The following MORC4 variants were observed in gnomAD, a reference collection of about 807,000 sequenced individuals.
MORC4 encodes the protein MORC family CW-type zinc finger 4, also known as MORC family CW-type zinc finger protein 4.
A neutral mutation model predicts 65.5 loss-of-function variants in MORC4; 22 were observed. That is an observed-to-expected ratio of 0.34 (90% CI 0.24 to 0.48). The LOEUF (loss-of-function observed/expected upper bound fraction) is 0.48. Among genes scored for constraint, MORC4 ranks in the 20% least tolerant of loss-of-function variants. The pLI is 0.99. For missense variants in MORC4, 624 were observed against 703.0 expected (o/e 0.89, Z 1.27); for synonymous variants, 267 against 255.8 (o/e 1.04, Z -0.42).
intron 9 of MORC4, among the ~76,000 whole-genome samples, chrX:106,967,378 T>C (rs1483007779): frequency 8.9e-6 from 1 of 111,802 alleles, no homozygotes; most frequent in Non-Finnish European, 1.9e-5. Flanking sequence ...GCAGAAAGGC[T>C]GAAAATTCCA....
intron 14 of MORC4, among the ~76,000 whole-genome samples, chrX:106,951,204 A>G (rs951545436): frequency 9.0e-6 from 1 of 111,177 alleles, no homozygotes; most frequent in African/African-American, 3.3e-5. Flanking sequence ...CTTTAGACAC[A>G]GTAGAATGTC....
chrX:106,993,270 C>T lies in MORC4; in HGVS notation c.268G>A (p.Gly90Arg). The T allele has an allele frequency of 8.3e-7, 1 of 1,209,835 alleles. No individual in the cohort carries two copies. Among genetic ancestry groups the T allele is most frequent in the Non-Finnish European group, 1.1e-6 (1 of 893,836 alleles). The change falls in exon 3 of 17, where the codon GGA becomes AGA. Residue 90 changes from glycine to arginine, a missense_variant. Transcript: ENST00000355610. ...NKSCLTFTDDGCGMTPHKLHR... is the reference protein window; with the variant it reads ...NKSCLTFTDDRCGMTPHKLHR... ...AGTTTATGAGGTGTCATCCCACATCCATCATCGGTAAAGGTCAAACAAGAT... is the reference window on the plus strand; with the variant it reads ...AGTTTATGAGGTGTCATCCCACATCTATCATCGGTAAAGGTCAAACAAGAT...
intron 2 of MORC4, 111 bp downstream of exon 2, chrX:106,999,566 C>T: frequency 1.4e-6 from 1 of 719,446 alleles, no homozygotes; most frequent in Non-Finnish European, 1.9e-6. Context: ...GAGGCCCCCA[C>T]CCCAGCCCCG....
At position 106,942,192 on chromosome X, in the gene MORC4, G is replaced by A. The variant is rs758365630; in HGVS notation, c.2406C>T (p.His802=). ...GGACTTTCTTGAATTCAGACTGCCA[G>A]TGATTCCTCTCCTGTTCCAGCTCCT... The part of the protein sequence containing the change: ...KVEELEQERN[H]WQSEFKKVQH... The change falls in exon 16 of 17, where the codon CAC becomes CAT. Residue 802 remains histidine (H), a synonymous_variant. Coordinates refer to ENST00000355610, the MANE Select transcript of MORC4 (RefSeq NM_024657.5). The A allele has an allele frequency of 4.1e-6, 5 of 1,209,483 alleles. No homozygotes were observed. In the South Asian group the frequency reaches 5.3e-5, roughly 13 times the overall value.
chrX:106,981,440 C>T lies in MORC4; in HGVS notation c.712G>A (p.Asp238Asn), dbSNP rs1289419139. 2 of 1,202,530 alleles carry T rather than the reference C, an allele frequency of 1.7e-6. No individual in the cohort carries two copies. The highest frequency in any genetic ancestry group is 3.0e-5 in the East Asian group (1 of 33,663). ...NGKSELDFDT[D>N]QYDILVSDFD... Reference sequence around the variant, plus strand: ...TCTGATACCAGGATGTCATATTGATCTGTATCAAAGTCCAACTCAGATTTT... The same window carrying T: ...TCTGATACCAGGATGTCATATTGATTTGTATCAAAGTCCAACTCAGATTTT... Residue 238 changes from aspartate to asparagine, a missense_variant, in exon 6 of 17, where the codon GAT becomes AAT. Coordinates refer to ENST00000355610, the MANE Select transcript of MORC4 (RefSeq NM_024657.5).
chrX:106,964,016 G>GC (rs748292733), intron 9 of MORC4, among the ~76,000 whole-genome samples: 2 of 110,605 alleles, frequency 1.8e-5, no homozygotes, highest in African/African-American at 3.3e-5. Context: ...AGACAGGGCG[G>GC]CCCACTCAAA....
chrX:106,999,536 G>C, intron 2 of MORC4, 141 bp downstream of exon 2: 1 of 446,250 alleles, frequency 2.2e-6, no homozygotes, highest in Non-Finnish European at 3.5e-6. Flanking sequence ...TCCTCCGCCT[G>C]CGGAGCCGGG....
rs746610426 is a variant in MORC4, at chrX:106,961,990, A to G, written c.1256+22T>C. 32 of 1,086,527 alleles carry G rather than the reference A, an allele frequency of 2.9e-5. No homozygotes were observed. The South Asian group carries it at 5.4e-4, about 18-fold the overall frequency. 89.5% of individuals were successfully genotyped at this position (1,086,527 alleles called of 1,213,427 possible). A position where few individuals can be genotyped will look rare whatever the true frequency, so the allele number is the denominator to read the frequency against. ...TATGGATATTACCCCTAATACATTC[A>G]TATTCTGTATGTATTACTTACGGTA... On this transcript the variant is annotated intron_variant, in intron 10 of 16. Coordinates refer to ENST00000355610, the MANE Select transcript of MORC4 (RefSeq NM_024657.5).
Position 106,942,020 on chromosome X carries a change from G to A in MORC4, c.2578C>T (p.Leu860=). The change falls in exon 16 of 17, where the codon CTG becomes TTG. Residue 860 remains leucine (L), a synonymous_variant. Transcript: ENST00000355610. ...TCCAGGTGTGTCTCTGTTTCCTTCA[G>A]TTTCTCTTTTAACTCTTGCTTTTCC... The part of the protein sequence containing the change: ...KEEKQELKEK[L]KETETHLEML... The A allele has an allele frequency of 1.7e-6, 2 of 1,211,279 alleles. 1 individual carries two copies.
intron 9 of MORC4, among the ~76,000 whole-genome samples, chrX:106,967,646 C>T (rs1157096701): frequency 1.8e-5 from 2 of 112,138 alleles, no homozygotes; most frequent in African/African-American, 6.5e-5. Flanking sequence ...CTAAAAACCA[C>T]AGTATGAGAA....
intron 5 of MORC4, among the ~76,000 whole-genome samples, chrX:106,982,345 G>T (rs1051193025): frequency 1.8e-5 from 2 of 111,956 alleles, no homozygotes; most frequent in Non-Finnish European, 3.8e-5. Flanking sequence ...GAGCTCTAGT[G>T]ATAACTCTGC....
At chrX:106,991,967 C>T (rs1201783053) in intron 3 of MORC4, among the ~76,000 whole-genome samples, 2 of 111,320 alleles carry the variant, frequency 1.8e-5, no homozygotes, top group African/African-American at 6.5e-5. Context: ...CAGAATTGAA[C>T]ATATAAATGC....
At chrX:106,990,608 A>G (rs1428075622) in intron 3 of MORC4, among the ~76,000 whole-genome samples, 1 of 112,602 alleles carries the variant, frequency 8.9e-6, no homozygotes, top group Non-Finnish European at 1.9e-5. Flanking sequence ...ACGGTGGCTC[A>G]TGCCTGTAAT....
At chrX:106,992,437 G>A (rs1935000792) in intron 3 of MORC4, among the ~76,000 whole-genome samples, 1 of 112,500 alleles carries the variant, frequency 8.9e-6, no homozygotes, top group Non-Finnish European at 1.9e-5. Context: ...TCTGCTAAAA[G>A]GAAGAGAGAA....
At chrX:106,968,349 C>T (rs1934423425) in intron 9 of MORC4, among the ~76,000 whole-genome samples, 2 of 110,819 alleles carry the variant, frequency 1.8e-5, no homozygotes, top group Non-Finnish European at 3.8e-5. Flanking sequence ...CTGGTACCAG[C>T]CACTGCAAAA....
intron 10 of MORC4, among the ~76,000 whole-genome samples, chrX:106,961,675 C>T (rs1934248344): frequency 8.9e-6 from 1 of 111,739 alleles, no homozygotes; most frequent in South Asian, 3.8e-4. Context: ...AAAAAGGGCA[C>T]TCTGATAGGA....
At chrX:106,996,522 A>C (rs1301674715) in intron 2 of MORC4, among the ~76,000 whole-genome samples, 2 of 111,742 alleles carry the variant, frequency 1.8e-5, no homozygotes, top group Non-Finnish European at 3.8e-5. Flanking sequence ...GGCTGGTTTC[A>C]ATCCTACCTC....
chrX:106,951,306 T>A (rs182937469), intron 14 of MORC4, among the ~76,000 whole-genome samples: 7 of 112,519 alleles, frequency 6.2e-5, no homozygotes, highest in Admixed American at 5.6e-4. Flanking sequence ...TATAGCTTAC[T>A]CAAATCTAAA....
chrX:106,959,130 A>T (rs1288591290), intron 10 of MORC4, among the ~76,000 whole-genome samples: 1 of 112,324 alleles, frequency 8.9e-6, no homozygotes, highest in Admixed American at 9.4e-5. Context: ...TTTCATAACT[A>T]GAAATGGTGG....
Sources: allele counts gnomAD v4.1 joint callset (sites outside exome capture counted in the v4.1 genomes callset), GRCh38; gene constraint gnomAD v4.1.1; transcripts MANE v1.5; gene names NCBI Gene and HGNC (gene_info 2026-07-23, HGNC 2026-07-21).